Variants in PLCB1 observed in about 807,000 individuals in gnomAD.
PLCB1 encodes 1-phosphatidylinositol 4,5-bisphosphate phosphodiesterase beta-1.
In PLCB1, 46 loss-of-function variants were observed where a neutral mutation model predicts 161.8. The observed-to-expected ratio is 0.28, with a 90% CI of 0.22 to 0.36. PLCB1 has a LOEUF of 0.36. PLCB1 is among the 10% of genes least tolerant of loss of function. The pLI is 1.00. For missense variants in PLCB1, 1,016 were observed against 1,472.5 expected (o/e 0.69, Z 5.07); for synonymous variants, 517 against 503.7 (o/e 1.03, Z -0.35).
chr20:8,622,116 T>C (rs1321439812), intron 3 of PLCB1, among the ~76,000 whole-genome samples: 1 of 151,952 alleles, frequency 6.6e-6, no homozygotes, highest in East Asian at 1.9e-4. Context: ...AGGGGGTGGT[T>C]GGTGGCGCGT....
At position 8,279,181 on chromosome 20, in the gene PLCB1, G is replaced by A. The variant is rs192171150; in HGVS notation, c.178-92201G>A. ...TATTTGCAAAAGAATTGAAAGCAGG[G>A]ACTCTAACAAATACTTGTATGCCAG... On this transcript the variant is annotated intron_variant, in intron 2 of 31. Coordinates refer to ENST00000338037, the MANE Select transcript of PLCB1 (RefSeq NM_015192.4). 4.6e-5 allele frequency among the ~76,000 whole-genome samples: 7 copies of A among 152,194 alleles called. No homozygotes were observed. The East Asian group carries it at 1.2e-3, about 25-fold the overall frequency.
intron 26 of PLCB1, among the ~76,000 whole-genome samples, chr20:8,773,712 G>A (rs543963343): frequency 2.9e-4 from 44 of 152,266 alleles, no homozygotes; most frequent in African/African-American, 1.0e-3. Context: ...GGTGGCTCAC[G>A]TCTGTAATCC....
intron 31 of PLCB1, among the ~76,000 whole-genome samples, chr20:8,835,287 C>G (rs902496421): frequency 2.0e-5 from 3 of 152,070 alleles, no homozygotes; most frequent in Non-Finnish European, 4.4e-5. Flanking sequence ...TTCGGAGTGC[C>G]CTTGAGGTGA....
chr20:8,548,527 C>A (rs1465750378), intron 3 of PLCB1, among the ~76,000 whole-genome samples: 2 of 151,034 alleles, frequency 1.3e-5, no homozygotes, highest in Non-Finnish European at 2.9e-5. Context: ...CTCCCTCTCT[C>A]TCTTTCTTTT....
At chr20:8,367,946 T>A (rs1986769715) in intron 2 of PLCB1, among the ~76,000 whole-genome samples, 1 of 151,994 alleles carries the variant, frequency 6.6e-6, no homozygotes, top group African/African-American at 2.4e-5. Context: ...GCCAAATGAG[T>A]TCATGGACGG....
chr20:8,649,489 C>G, intron 7 of PLCB1, 40 bp downstream of exon 7: 1 of 1,396,712 alleles, frequency 7.2e-7, no homozygotes. Context: ...ATGTTCAGCC[C>G]CTCCAAAACT....
At chr20:8,297,980 C>G (rs1983716132) in intron 2 of PLCB1, among the ~76,000 whole-genome samples, 1 of 150,850 alleles carries the variant, frequency 6.6e-6, no homozygotes, top group African/African-American at 2.4e-5. Context: ...CAGTCCCCAT[C>G]AAATGCCCAT....
chr20:8,739,087 G>T (rs560087294), intron 20 of PLCB1, among the ~76,000 whole-genome samples, 174 bp from the exon 21 acceptor site: 2 of 152,348 alleles, frequency 1.3e-5, no homozygotes, highest in Non-Finnish European at 1.5e-5. Context: ...AGAGGCGGAG[G>T]TTGCAGTGAG....
intron 3 of PLCB1, among the ~76,000 whole-genome samples, chr20:8,483,216 A>G (rs1982580650): frequency 6.6e-6 from 1 of 152,196 alleles, no homozygotes. Flanking sequence ...ACAAAACCTG[A>G]GTCTTCTGTT....
intron 31 of PLCB1, among the ~76,000 whole-genome samples, chr20:8,825,927 G>A (rs1225737572): frequency 6.6e-6 from 1 of 152,154 alleles, no homozygotes; most frequent in Admixed American, 6.5e-5. Context: ...AGGAGTCAAG[G>A]AATTGCCTAG....
intron 3 of PLCB1, among the ~76,000 whole-genome samples, chr20:8,531,233 T>C (rs1332276056): frequency 6.6e-6 from 1 of 152,104 alleles, no homozygotes; most frequent in Non-Finnish European, 1.5e-5. Flanking sequence ...CAAAAGACCG[T>C]AATTCTCTGC....
At position 8,335,932 on chromosome 20, in the gene PLCB1, AT is replaced by A. The variant is rs576122429; in HGVS notation, c.178-35447del. On this transcript the variant is annotated intron_variant, in intron 2 of 31. Transcript: ENST00000338037. ...CCTACAATAACGCTGGTCAGGGAGGATTTGGGTTCTGGCGCTGCTTCTAGAG... is the reference window on the plus strand; with the variant it reads ...CCTACAATAACGCTGGTCAGGGAGGATTGGGTTCTGGCGCTGCTTCTAGAG... Among the ~76,000 whole-genome samples, 638 of 152,224 alleles carry A rather than the reference AT, an allele frequency of 4.2e-3. 5 individuals carry two copies. Among genetic ancestry groups the A allele is most frequent in the African/African-American group, 0.014 (601 of 41,536 alleles).
chr20:8,329,386 C>G (rs926388749), intron 2 of PLCB1, among the ~76,000 whole-genome samples: 6 of 151,440 alleles, frequency 4.0e-5, no homozygotes, highest in African/African-American at 1.5e-4. Flanking sequence ...CTCCTAGCCT[C>G]CAGTGATCCA....
intron 3 of PLCB1, among the ~76,000 whole-genome samples, chr20:8,523,465 G>GCTCTTTCTCTCTCTCTCT (rs1984434299): frequency 2.0e-5 from 1 of 48,796 alleles, no homozygotes. Context: ...TATATATTTG[G>GCTCTTTCTCTCTCTCTCT]CTCTCTCTCT....
At position 8,132,885 on chromosome 20, in the gene PLCB1, T is replaced by C; in HGVS notation, c.99+135T>C. On this transcript the variant is annotated intron_variant, in intron 1 of 31. Transcript: ENST00000338037. This position sits in a 1 kb window ranked among gnomAD's most constrained non-coding sequence, Gnocchi z 5.2. ...GCAGGGGCAGCCTCGGGCGCACAGG[T>C]TGGCATCTGCCAAAGCGGATGTCCA... The C allele has an allele frequency of 1.5e-6, 1 of 654,274 alleles. No individual in the cohort carries two copies. Among genetic ancestry groups the C allele is most frequent in the Non-Finnish European group, 2.7e-6 (1 of 363,928 alleles). The allele number at this position is 654,274 out of a possible 1,614,324, so 40.5% of individuals were successfully genotyped here.
intron 2 of PLCB1, among the ~76,000 whole-genome samples, chr20:8,357,956 G>A (rs911513203): frequency 1.3e-5 from 2 of 152,180 alleles, no homozygotes; most frequent in Non-Finnish European, 2.9e-5. Flanking sequence ...GAAACTCAAG[G>A]TCAAGTGCAC....
At chr20:8,346,686 G>C (rs1473723296) in intron 2 of PLCB1, among the ~76,000 whole-genome samples, 4 of 152,146 alleles carry the variant, frequency 2.6e-5, no homozygotes, top group Non-Finnish European at 5.9e-5. Context: ...CTTTTTAAAT[G>C]AGCCATTAAA....
chr20:8,849,721 A>G (rs898661938), intron 31 of PLCB1, among the ~76,000 whole-genome samples: 1 of 147,742 alleles, frequency 6.8e-6, no homozygotes, highest in African/African-American at 2.5e-5. Flanking sequence ...TATAAAAAAA[A>G]GAACCAAGCA....
intron 2 of PLCB1, among the ~76,000 whole-genome samples, chr20:8,159,488 A>C (rs1007020467): frequency 6.6e-6 from 1 of 152,056 alleles, no homozygotes; most frequent in African/African-American, 2.4e-5. Flanking sequence ...CATTTTCCCC[A>C]TTGTCTTGAG....
Sources: allele counts gnomAD v4.1 joint callset (sites outside exome capture counted in the v4.1 genomes callset), GRCh38; gene constraint gnomAD v4.1.1; non-coding constraint Gnocchi (gnomAD v3.1); transcripts MANE v1.5; gene names NCBI Gene and HGNC (gene_info 2026-07-23, HGNC 2026-07-21).